The following LRRK1 variants were observed in gnomAD, a reference collection of about 807,000 sequenced individuals.
The protein encoded by LRRK1 is leucine rich repeat kinase 1.
A neutral mutation model predicts 209.1 loss-of-function variants in LRRK1; 113 were observed. The ratio of observed to expected loss-of-function variants is 0.54; its 90% CI spans 0.46 to 0.63. The LOEUF (loss-of-function observed/expected upper bound fraction) is 0.63. LRRK1 is among the 30% of genes least tolerant of loss of function. The pLI is 0.00. For missense variants in LRRK1, 2,284 were observed against 2,632.2 expected (o/e 0.87, Z 2.89); for synonymous variants, 1,144 against 1,099.7 (o/e 1.04, Z -0.80).
At chr15:100,969,188 A>T (rs1388973854) in intron 2 of LRRK1, among the ~76,000 whole-genome samples, 12 of 152,130 alleles carry the variant, frequency 7.9e-5, no homozygotes, top group Admixed American at 7.9e-4. Flanking sequence ...GAGTTATACG[A>T]GTTTTTATAT....
chr15:101,028,867 A>T (rs2034155984), intron 19 of LRRK1, 89 bp from the exon 20 acceptor site: 2 of 1,360,798 alleles, frequency 1.5e-6, no homozygotes, highest in African/African-American at 1.5e-5. Context: ...ATAATTTGTG[A>T]CCTGGGTCCT....
intron 28 of LRRK1, among the ~76,000 whole-genome samples, chr15:101,057,567 A>G (rs2035883642): frequency 6.6e-6 from 1 of 152,228 alleles, no homozygotes; most frequent in Non-Finnish European, 1.5e-5. Flanking sequence ...GCATGTCCTT[A>G]TCTGGGCATG....
intron 2 of LRRK1, among the ~76,000 whole-genome samples, chr15:100,938,813 C>T (rs2042349765): frequency 1.3e-5 from 2 of 152,064 alleles, no homozygotes; most frequent in African/African-American, 2.4e-5. Flanking sequence ...TGGAGAGGGC[C>T]GGGTGTGGTG....
rs1424154901 is a variant in LRRK1, at chr15:101,022,359, C to G, written c.1853-24C>G. 1 of 1,608,878 alleles carries G rather than the reference C, an allele frequency of 6.2e-7. No homozygotes were observed. Among genetic ancestry groups the G allele is most frequent in the African/African-American group, 1.3e-5 (1 of 74,830 alleles). On this transcript the variant is annotated intron_variant, in intron 14 of 33. Coordinates refer to ENST00000388948, the MANE Select transcript of LRRK1 (RefSeq NM_024652.6). The surrounding 1 kb of genome is among the most constrained non-coding windows in gnomAD (Gnocchi z 4.0). ...GTGAGCATGTGCCCACGCAGCTACC[C>G]TTCCCCTTAATGATTTTGCACAGGC...
intron 2 of LRRK1, among the ~76,000 whole-genome samples, chr15:100,955,560 G>T (rs552122741): frequency 6.6e-6 from 1 of 152,152 alleles, no homozygotes; most frequent in East Asian, 1.9e-4. Context: ...TACTTGTCTT[G>T]TTCCTGATCT....
At chr15:100,953,484 C>T (rs2042694516) in intron 2 of LRRK1, among the ~76,000 whole-genome samples, 2 of 144,534 alleles carry the variant, frequency 1.4e-5, no homozygotes, top group Non-Finnish European at 3.0e-5. Flanking sequence ...TATAGTATTC[C>T]ATTGTGTGTG....
intron 3 of LRRK1, among the ~76,000 whole-genome samples, chr15:100,978,324 G>A (rs1243817082): frequency 2.0e-5 from 3 of 152,182 alleles, no homozygotes; most frequent in African/African-American, 7.2e-5. Flanking sequence ...AAGACTGAAG[G>A]AGAACTCAAA....
At chr15:101,023,236 T>A (rs1288061938) in intron 15 of LRRK1, among the ~76,000 whole-genome samples, 2 of 152,014 alleles carry the variant, frequency 1.3e-5, no homozygotes, top group Non-Finnish European at 2.9e-5. Flanking sequence ...TTAAAATGAA[T>A]CCATCACTGC....
Position 100,952,891 on chromosome 15 carries a change from C to T in LRRK1, c.98-20913C>T, listed in dbSNP as rs185012005. Among the ~76,000 whole-genome samples the T allele has an allele frequency of 2.0e-5, 3 of 152,286 alleles. No homozygotes were observed. In the East Asian group the frequency reaches 5.8e-4, roughly 29 times the overall value. On this transcript the variant is annotated intron_variant, in intron 2 of 33. Coordinates refer to ENST00000388948, the MANE Select transcript of LRRK1 (RefSeq NM_024652.6). ...TTATGCTTTAAGCAAGATCTTTTAA[C>T]AGAATCTATTGACCAAAATTAACTC...
intron 2 of LRRK1, among the ~76,000 whole-genome samples, chr15:100,946,580 T>C (rs1371264140): frequency 6.6e-6 from 1 of 152,234 alleles, no homozygotes; most frequent in Non-Finnish European, 1.5e-5. Context: ...GGATCAAATC[T>C]ATAGCATGGA....
chr15:100,971,393 AG>A (rs1402616862), intron 2 of LRRK1, among the ~76,000 whole-genome samples: 1 of 151,936 alleles, frequency 6.6e-6, no homozygotes, highest in African/African-American at 2.4e-5. Context: ...ATCAATCCAA[AG>A]CCTGTCTTAT....
rs149875778 is a variant in LRRK1, at chr15:100,979,221, A to C, written c.262-4307A>C. ...TTCAAAAACTCTTAGAAAATTAAGA[A>C]TAGGAGGGAACTTCCTCAATTGGGT... On this transcript the variant is annotated intron_variant, in intron 3 of 33. Coordinates refer to ENST00000388948, the MANE Select transcript of LRRK1 (RefSeq NM_024652.6). 8.5e-5 allele frequency among the ~76,000 whole-genome samples: 13 copies of C among 152,338 alleles called. No homozygotes were observed. The East Asian group carries it at 2.1e-3, about 25-fold the overall frequency.
At chr15:101,053,148 C>G in intron 25 of LRRK1, 60 bp downstream of exon 25, 7 of 1,590,056 alleles carry the variant, frequency 4.4e-6, no homozygotes, top group Non-Finnish European at 5.1e-6. Flanking sequence ...GGTCTAAGCT[C>G]TGTGCGGCCT....
At chr15:101,058,290 C>T in intron 29 of LRRK1, 149 bp downstream of exon 29, 2 of 737,808 alleles carry the variant, frequency 2.7e-6, no homozygotes, top group Non-Finnish European at 4.2e-6. Flanking sequence ...CAAGAAAGAG[C>T]AGGGAGAGCA....
chr15:100,972,361 AGAGTGTGTGTGTGT>A (rs2030966663), intron 2 of LRRK1, among the ~76,000 whole-genome samples: 27 of 84,032 alleles, frequency 3.2e-4, no homozygotes, highest in African/African-American at 1.3e-3. Flanking sequence ...AGAGAGAGAG[AGAGTGTGTGTGTGT>A]GTGTGTGTGT....
chr15:101,021,304 C>T (rs1043036808), intron 13 of LRRK1, 122 bp downstream of exon 13: 10 of 1,121,664 alleles, frequency 8.9e-6, no homozygotes, highest in Non-Finnish European at 1.0e-5. Flanking sequence ...TTCCAAGAAG[C>T]AGTAGTGAGA....
chr15:101,011,244 G>A (rs1330559669), intron 9 of LRRK1, among the ~76,000 whole-genome samples: 2 of 151,836 alleles, frequency 1.3e-5, no homozygotes, highest in African/African-American at 4.8e-5. Context: ...CAAGGTAGGT[G>A]GATCACAAGG....
chr15:100,961,848 G>T (rs941427757), intron 2 of LRRK1, among the ~76,000 whole-genome samples: 1 of 152,156 alleles, frequency 6.6e-6, no homozygotes, highest in Non-Finnish European at 1.5e-5. Flanking sequence ...TGGGTGTTGG[G>T]AGGAAGTCAA....
intron 20 of LRRK1, among the ~76,000 whole-genome samples, chr15:101,043,365 A>T (rs1317265002): frequency 6.6e-6 from 1 of 151,920 alleles, no homozygotes; most frequent in East Asian, 1.9e-4. Flanking sequence ...ACAAAATAAA[A>T]CCCCAAAGAG....
Sources: allele counts gnomAD v4.1 joint callset (sites outside exome capture counted in the v4.1 genomes callset), GRCh38; gene constraint gnomAD v4.1.1; non-coding constraint Gnocchi (gnomAD v3.1); transcripts MANE v1.5; gene names NCBI Gene and HGNC (gene_info 2026-07-23, HGNC 2026-07-21).